Variants in HMCN2 observed in about 807,000 individuals in gnomAD.
The protein encoded by HMCN2 is hemicentin 2.
In HMCN2, 325 loss-of-function variants were observed where a neutral mutation model predicts 377.5. The observed-to-expected ratio is 0.86, with a 90% CI of 0.79 to 0.94. HMCN2 has a LOEUF of 0.94. Among genes scored for constraint, HMCN2 ranks in the 40% least tolerant of loss-of-function variants. The pLI is 0.00. For synonymous variants in HMCN2, 2,007 were observed against 2,046.8 expected (o/e 0.98, Z 0.53); for missense variants, 4,543 against 4,725.3 (o/e 0.96, Z 1.13).
chr9:130,403,838 G>A lies in HMCN2; in HGVS notation c.12111G>A (p.Ala4037=), dbSNP rs531317328. 51 of 1,289,782 alleles carry A rather than the reference G, an allele frequency of 4.0e-5. No homozygotes were observed. The highest frequency in any genetic ancestry group is 2.1e-4 in the Middle Eastern group (1 of 4,694). The allele number at this position is 1,289,782 out of a possible 1,614,324, so 79.9% of individuals were successfully genotyped here. A position where few individuals can be genotyped will look rare whatever the true frequency, so the allele number is the denominator to read the frequency against. The change falls in exon 80 of 98, where the codon GCG becomes GCA. Residue 4037 remains alanine, a synonymous_variant. Coordinates refer to ENST00000683500, the MANE Select transcript of HMCN2 (RefSeq NM_001291815.2). ...GNYLCIAKNS[A]GSAMGKTRLV... ...ATCTCTGCATCGCTAAGAACAGTGC[G>A]GGCAGTGCCATGGGGAAGACGCGGC...
rs146564537 is a variant in HMCN2, at chr9:130,271,139, C to T, written c.259+5002C>T. ...CATTCTCATCGTCTCATATCAAGAG[C>T]ACACGCTATCACGGTGATGGAACGC... On this transcript the variant is annotated intron_variant, in intron 1 of 97. Coordinates refer to ENST00000683500, the MANE Select transcript of HMCN2 (RefSeq NM_001291815.2). Among the ~76,000 whole-genome samples the T allele has an allele frequency of 5.7e-4, 83 of 145,324 alleles. 1 individual carries two copies. The highest frequency in any genetic ancestry group is 2.0e-3 in the African/African-American group (81 of 40,104).
At chr9:130,278,743 C>T (rs569040842) in intron 1 of HMCN2, among the ~76,000 whole-genome samples, 5 of 151,776 alleles carry the variant, frequency 3.3e-5, no homozygotes, top group East Asian at 2.0e-4. Context: ...CCACCACACC[C>T]GGCTAATTTT....
intron 1 of HMCN2, among the ~76,000 whole-genome samples, chr9:130,280,150 G>GTT (rs1226580626): frequency 8.3e-4 from 42 of 50,378 alleles, no homozygotes; most frequent in African/African-American, 5.6e-3. Flanking sequence ...GTGTGTGTGT[G>GTT]TTTTTTTTTT....
At chr9:130,283,480 A>T (rs899601358) in intron 1 of HMCN2, among the ~76,000 whole-genome samples, 4 of 146,552 alleles carry the variant, frequency 2.7e-5, no homozygotes, top group Non-Finnish European at 3.0e-5. Context: ...GTAAATTTAC[A>T]TACATTGAAA....
rs907994251 is a variant in HMCN2 at position 130,375,694 on chromosome 9, G to A, written c.7762G>A (p.Gly2588Arg). 1.6e-5 allele frequency: 16 copies of A among 985,800 alleles called. No homozygotes were observed. The highest frequency in any genetic ancestry group is 1.8e-5 in the Non-Finnish European group (15 of 830,000). The allele number at this position is 985,800 out of a possible 1,614,324, so 61.1% of individuals were successfully genotyped here. The change falls in exon 50 of 98, where the codon GGG becomes AGG. Residue 2588 changes from glycine (G) to arginine (R), a missense_variant. By Grantham distance (125) the Gly-to-Arg change is moderately radical. Around this residue, in one of 5 missense-constraint regions of HMCN2, gnomAD observed 736 missense variants for 773.2 expected, o/e 0.95. Transcript: ENST00000683500. Reference sequence around the variant, plus strand: ...CCCCAACATCACCTGGATGAAGGACGGGGCCCCGTTTGAGGCCTCCAGGAA... The same window carrying A: ...CCCCAACATCACCTGGATGAAGGACAGGGCCCCGTTTGAGGCCTCCAGGAA... ...PSPNITWMKDGAPFEASRNIQ... is the reference protein window; with the variant it reads ...PSPNITWMKDRAPFEASRNIQ...
At chr9:130,425,615 C>A in intron 89 of HMCN2, 72 bp from the exon 90 acceptor site, 1 of 1,059,696 alleles carries the variant, frequency 9.4e-7, no homozygotes. Context: ...TTTTCCTCCT[C>A]CCCTTCCAAC....
rs782702764 is a variant in HMCN2 at position 130,299,148 on chromosome 9, A to G, written c.1136A>G (p.Asn379Ser). ...LLTLPTKPLS[N>S]GSTHQLWGGP... Reference sequence around the variant, plus strand: ...ACTCTGCCCACGAAGCCCCTCTCCAATGGCTCCACCCATCAGCTGTGGGGC... The same window carrying G: ...ACTCTGCCCACGAAGCCCCTCTCCAGTGGCTCCACCCATCAGCTGTGGGGC... Residue 379 changes from asparagine to serine, a missense_variant, in exon 8 of 98, where the codon AAT (asparagine) becomes AGT (serine). Asn to Ser is a conservative substitution (Grantham distance 46, BLOSUM62 1). Around this residue, in one of 5 missense-constraint regions of HMCN2, gnomAD observed 547 missense variants for 189.9 expected, o/e 2.88. Transcript: ENST00000683500. 1.1e-5 allele frequency: 5 copies of G among 470,976 alleles called. No homozygotes were observed. The highest frequency in any genetic ancestry group is 8.0e-5 in the African/African-American group (4 of 50,010). 29.2% of individuals were successfully genotyped at this position (470,976 alleles called of 1,614,324 possible).
intron 85 of HMCN2, among the ~76,000 whole-genome samples, chr9:130,412,437 G>A (rs866779220): frequency 7.9e-5 from 12 of 152,194 alleles, no homozygotes; most frequent in African/African-American, 2.9e-4. Flanking sequence ...GAGCAAAAGT[G>A]TTAAAATTTG....
chr9:130,374,287 A>C (rs1564829054), intron 48 of HMCN2, among the ~76,000 whole-genome samples: 1 of 152,162 alleles, frequency 6.6e-6, no homozygotes, highest in Non-Finnish European at 1.5e-5. Context: ...TTGCCTGTCT[A>C]TGCTAAGCCA....
chr9:130,270,192 T>A lies in HMCN2; in HGVS notation c.259+4055T>A. 1.4e-5 allele frequency among the ~76,000 whole-genome samples: 2 copies of A among 143,150 alleles called. 1 individual carries two copies. Among genetic ancestry groups the A allele is most frequent in the Admixed American group, 1.4e-4 (2 of 14,218 alleles). 93.9% of individuals were successfully genotyped at this position (143,150 alleles called of 152,430 possible). ...TTTAGTATTTGTAATTCTTAGAAGTTTTGAAGTTTTAAATGTTTATGTAGA... is the reference window on the plus strand; with the variant it reads ...TTTAGTATTTGTAATTCTTAGAAGTATTGAAGTTTTAAATGTTTATGTAGA... On this transcript the variant is annotated intron_variant, in intron 1 of 97. Transcript: ENST00000683500.
chr9:130,317,243 C>T (rs1184781190), intron 15 of HMCN2, among the ~76,000 whole-genome samples: 4 of 152,178 alleles, frequency 2.6e-5, no homozygotes, highest in Admixed American at 1.3e-4. Flanking sequence ...CAGGTTCCTT[C>T]ATCTCTCCGA....
chr9:130,428,497 G>T lies in HMCN2; in HGVS notation c.14197+8G>T, dbSNP rs1163872223. 1.3e-6 allele frequency: 2 copies of T among 1,538,644 alleles called. No individual in the cohort carries two copies. Among genetic ancestry groups the T allele is most frequent in the African/African-American group, 2.7e-5 (2 of 73,040 alleles). On this transcript the variant is annotated splice_region_variant and intron_variant, in intron 93 of 97. Coordinates refer to ENST00000683500, the MANE Select transcript of HMCN2 (RefSeq NM_001291815.2). The surrounding 1 kb of genome is among the most constrained non-coding windows in gnomAD (Gnocchi z 5.0). Reference sequence around the variant, plus strand: ...ATGGGGCCGGCTGTGAAGGTGATGGGGGCACAGCATGCGGCCTGTCCATAC... The same window carrying T: ...ATGGGGCCGGCTGTGAAGGTGATGGTGGCACAGCATGCGGCCTGTCCATAC...
chr9:130,433,566 T>C lies in HMCN2; in HGVS notation c.15113T>C (p.Leu5038Pro), dbSNP rs1336124245. 5.4e-6 allele frequency: 8 copies of C among 1,477,230 alleles called. No homozygotes were observed. In the Admixed American group the frequency reaches 2.1e-4, roughly 38 times the overall value. 91.5% of individuals were successfully genotyped at this position (1,477,230 alleles called of 1,614,324 possible). Reference sequence around the variant, plus strand: ...GCGCTGCGTCCGCTGCGCGCGGGCCTTGGCGCGGTCTACACCCGTCGCGCG... The same window carrying C: ...GCGCTGCGTCCGCTGCGCGCGGGCCCTGGCGCGGTCTACACCCGTCGCGCG... Reference protein sequence around the residue: ...PFALRPLRAGLGAVYTRRALT... With the variant: ...PFALRPLRAGPGAVYTRRALT... The change falls in exon 98 of 98, where the codon CTT becomes CCT. Residue 5038 changes from leucine to proline, a missense_variant. Leu to Pro is a moderately conservative substitution (Grantham distance 98). Coordinates refer to ENST00000683500, the MANE Select transcript of HMCN2 (RefSeq NM_001291815.2).
rs533545726 is a variant in HMCN2 at position 130,366,851 on chromosome 9, CA to C, written c.6625+857del. Among the ~76,000 whole-genome samples the C allele has an allele frequency of 1.9e-4, 29 of 152,230 alleles. No homozygotes were observed. In the South Asian group the frequency reaches 5.6e-3, roughly 29 times the overall value. ...CAGATCCCCACCCTCACAATGGGGG[CA>C]GTCAGATAATAAACACACAGTTAGT... is the stretch of plus-strand genomic sequence containing the variant. On this transcript the variant is annotated intron_variant, in intron 43 of 97. Coordinates refer to ENST00000683500, the MANE Select transcript of HMCN2 (RefSeq NM_001291815.2).
chr9:130,330,102 C>A (rs1838348243), intron 22 of HMCN2, among the ~76,000 whole-genome samples: 1 of 151,912 alleles, frequency 6.6e-6, no homozygotes, highest in Non-Finnish European at 1.5e-5. Flanking sequence ...TCCCCAGGCT[C>A]AGCCTCAAAG....
intron 88 of HMCN2, 41 bp from the exon 89 acceptor site, chr9:130,424,968 C>A: frequency 6.6e-7 from 1 of 1,511,498 alleles, no homozygotes; most frequent in South Asian, 1.3e-5. Context: ...GCGCCCAGGA[C>A]CTCCCGTGGT....
chr9:130,419,654 G>T (rs12352103), intron 86 of HMCN2: 25,280 of 152,184 alleles, frequency 0.17, 2,601 homozygotes, highest in East Asian at 0.41. Context: ...ATGTGGGGAT[G>T]TGTCCCCTTC....
intron 1 of HMCN2, among the ~76,000 whole-genome samples, chr9:130,273,600 C>T (rs552907666): frequency 2.6e-5 from 4 of 152,102 alleles, no homozygotes; most frequent in East Asian, 1.9e-4. Flanking sequence ...CAGGCTCAAG[C>T]GATTCTCTCA....
rs1588377357 is a variant in HMCN2 at position 130,391,298 on chromosome 9, G to A, written c.9762G>A (p.Pro3254=). The A allele has an allele frequency of 4.0e-6, 4 of 987,662 alleles. No homozygotes were observed. The highest frequency in any genetic ancestry group is 4.8e-6 in the Non-Finnish European group (4 of 830,142). The allele number at this position is 987,662 out of a possible 1,614,324, so 61.2% of individuals were successfully genotyped here. A position where few individuals can be genotyped will look rare whatever the true frequency, so the allele number is the denominator to read the frequency against. Residue 3254 remains proline, a synonymous_variant, in exon 64 of 98, where the codon CCG becomes CCA. Coordinates refer to ENST00000683500, the MANE Select transcript of HMCN2 (RefSeq NM_001291815.2). ...VRLDCEADGQ[P]PPDVAWLKDG... ...TGGACTGTGAGGCCGATGGGCAGCCGCCGCCGGACGTGGCCTGGCTGAAGG... is the reference window on the plus strand; with the variant it reads ...TGGACTGTGAGGCCGATGGGCAGCCACCGCCGGACGTGGCCTGGCTGAAGG...
Sources: gnomAD v4.1 joint callset for allele counts (sites outside exome capture counted in the v4.1 genomes callset) on GRCh38, gnomAD v4.1.1 for gene constraint, gnomAD v4.1.1 regional missense constraint, Gnocchi (gnomAD v3.1) non-coding constraint, MANE v1.5 for transcripts, NCBI Gene and HGNC (gene_info 2026-07-23, HGNC 2026-07-21) for gene names.